PIP5K1B: variants seen among roughly 807,000 people sequenced by gnomAD.
The protein encoded by PIP5K1B is phosphatidylinositol 4-phosphate 5-kinase type-1 beta.
In PIP5K1B, 42 loss-of-function variants were observed where a neutral mutation model predicts 67.0. The observed-to-expected ratio is 0.63, with a 90% CI of 0.49 to 0.81. The LOEUF (loss-of-function observed/expected upper bound fraction) is 0.81, where lower values mean the gene tolerates loss of function less well. PIP5K1B is among the 30% of genes least tolerant of loss of function. The pLI is 0.00. For synonymous variants in PIP5K1B, 214 were observed against 231.4 expected (o/e 0.92, Z 0.68); for missense variants, 459 against 646.3 (o/e 0.71, Z 3.14).
intron 15 of PIP5K1B, among the ~76,000 whole-genome samples, chr9:68,992,154 G>A (rs113400169): frequency 0.044 from 6,549 of 149,900 alleles, 475 homozygotes; most frequent in African/African-American, 0.15. Flanking sequence ...TAGTAGAGAC[G>A]GGGTTTCCAT....
intron 2 of PIP5K1B, chr9:68,789,234 A>G (rs1831818789): frequency 4.1e-6 from 2 of 486,364 alleles, no homozygotes; most frequent in Non-Finnish European, 7.9e-6. Flanking sequence ...GGTGTTGACA[A>G]CTGTTCGAAG....
chr9:68,774,591 G>A (rs1830822099), intron 2 of PIP5K1B, among the ~76,000 whole-genome samples: 1 of 152,094 alleles, frequency 6.6e-6, no homozygotes, highest in East Asian at 1.9e-4. Flanking sequence ...TTTTCCATAT[G>A]TGTACACCCA....
At chr9:68,841,728 G>A (rs866340730) in intron 4 of PIP5K1B, among the ~76,000 whole-genome samples, 1 of 152,150 alleles carries the variant, frequency 6.6e-6, no homozygotes, top group African/African-American at 2.4e-5. Flanking sequence ...TGAATATTCT[G>A]TGTGTTTTTT....
intron 2 of PIP5K1B, among the ~76,000 whole-genome samples, chr9:68,744,055 G>A (rs1829150921): frequency 6.6e-6 from 1 of 152,174 alleles, no homozygotes; most frequent in South Asian, 2.1e-4. Context: ...TTGTCTTCCT[G>A]GAAAAGGAGG....
At chr9:68,920,359 C>CT (rs5898051) in intron 11 of PIP5K1B, among the ~76,000 whole-genome samples, 44,488 of 97,846 alleles carry the variant, frequency 0.45, 19,039 homozygotes, top group South Asian at 0.62. Flanking sequence ...CTGAGGTTGT[C>CT]TTTTTTTTTT....
intron 12 of PIP5K1B, among the ~76,000 whole-genome samples, chr9:68,923,901 G>T (rs934474049): frequency 6.6e-6 from 1 of 151,996 alleles, no homozygotes; most frequent in Non-Finnish European, 1.5e-5. Flanking sequence ...ACAATGGAAT[G>T]AATCAATAAA....
chr9:68,766,686 A>C (rs1021295906), intron 2 of PIP5K1B, among the ~76,000 whole-genome samples: 4 of 152,182 alleles, frequency 2.6e-5, no homozygotes, highest in Non-Finnish European at 5.9e-5. Flanking sequence ...GATTGTGGGT[A>C]ATTTTCAACT....
chr9:68,855,644 C>T (rs1587563785), intron 4 of PIP5K1B, among the ~76,000 whole-genome samples: 1 of 152,142 alleles, frequency 6.6e-6, no homozygotes, highest in East Asian at 1.9e-4. Context: ...CTGTCTCCCT[C>T]CCTCCAATAT....
intron 12 of PIP5K1B, among the ~76,000 whole-genome samples, chr9:68,933,492 C>T (rs888905571): frequency 6.6e-6 from 1 of 151,938 alleles, no homozygotes; most frequent in Non-Finnish European, 1.5e-5. Context: ...TTTTTCTCCC[C>T]TCAGTTTAAC....
chr9:68,813,948 C>T (rs1833297465), intron 2 of PIP5K1B, among the ~76,000 whole-genome samples: 1 of 152,190 alleles, frequency 6.6e-6, no homozygotes, highest in Non-Finnish European at 1.5e-5. Context: ...CCCAGACTGT[C>T]GTACTTTGTA....
At chr9:68,950,814 T>G (rs1828028877) in intron 14 of PIP5K1B, among the ~76,000 whole-genome samples, 1 of 152,264 alleles carries the variant, frequency 6.6e-6, no homozygotes, top group Non-Finnish European at 1.5e-5. Context: ...TTCTGTTACC[T>G]GTGGAGTCAT....
intron 2 of PIP5K1B, among the ~76,000 whole-genome samples, chr9:68,808,345 C>A (rs955267722): frequency 6.6e-6 from 1 of 152,184 alleles, no homozygotes; most frequent in African/African-American, 2.4e-5. Flanking sequence ...TCCATGGATT[C>A]TTTGCCTCCA....
At chr9:68,762,900 T>C (rs1019028278) in intron 2 of PIP5K1B, among the ~76,000 whole-genome samples, 1 of 152,134 alleles carries the variant, frequency 6.6e-6, no homozygotes, top group African/African-American at 2.4e-5. Flanking sequence ...TTCCTCACTC[T>C]GTAGTCTATA....
intron 14 of PIP5K1B, among the ~76,000 whole-genome samples, chr9:68,950,203 T>C (rs1827990690): frequency 6.6e-6 from 1 of 152,120 alleles, no homozygotes; most frequent in Non-Finnish European, 1.5e-5. Flanking sequence ...CAGAGATCCT[T>C]GGTTCTGTAG....
At chr9:68,946,462 A>G (rs12349555) in intron 14 of PIP5K1B, among the ~76,000 whole-genome samples, 18,195 of 151,658 alleles carry the variant, frequency 0.12, 1,751 homozygotes, top group African/African-American at 0.27. Flanking sequence ...GCGTGATCTC[A>G]GTTCACTGCA....
intron 13 of PIP5K1B, among the ~76,000 whole-genome samples, chr9:68,939,478 G>C (rs952881685): frequency 6.6e-6 from 1 of 152,218 alleles, no homozygotes; most frequent in Non-Finnish European, 1.5e-5. Flanking sequence ...GAGAAGTTGG[G>C]ATCAAGAATA....
At chr9:68,751,744 G>C (rs1186878704) in intron 2 of PIP5K1B, among the ~76,000 whole-genome samples, 3 of 152,172 alleles carry the variant, frequency 2.0e-5, no homozygotes, top group Non-Finnish European at 4.4e-5. Flanking sequence ...TTGGGAAATG[G>C]TCAAGATCAA....
At chr9:68,895,850 T>C (rs561462342) in intron 8 of PIP5K1B, among the ~76,000 whole-genome samples, 70 of 152,340 alleles carry the variant, frequency 4.6e-4, no homozygotes, top group African/African-American at 1.5e-3. Flanking sequence ...GTACTATTCA[T>C]ACTTCCATTT....
At chr9:68,920,996 A>G (rs1279934561) in intron 11 of PIP5K1B, among the ~76,000 whole-genome samples, 1 of 152,216 alleles carries the variant, frequency 6.6e-6, no homozygotes, top group Non-Finnish European at 1.5e-5. Context: ...AAGAGAATAA[A>G]TTATAGATGA....
Sources: allele counts gnomAD v4.1 joint callset (sites outside exome capture counted in the v4.1 genomes callset), GRCh38; gene constraint gnomAD v4.1.1; transcripts MANE v1.5; gene names NCBI Gene and HGNC (gene_info 2026-07-23, HGNC 2026-07-21).